The following TMEM135 variants were observed in gnomAD, a reference collection of about 807,000 sequenced individuals.
The protein encoded by TMEM135 is transmembrane protein 135.
A neutral mutation model predicts 60.3 loss-of-function variants in TMEM135; 30 were observed. That is an observed-to-expected ratio of 0.50 (90% CI 0.37 to 0.68). The LOEUF (loss-of-function observed/expected upper bound fraction) is 0.68, where lower values mean the gene tolerates loss of function less well. TMEM135 is among the 30% of genes least tolerant of loss of function. The probability of loss-of-function intolerance (pLI) is 0.00; values close to 1 mark genes in which losing one functional copy is unlikely to be tolerated. For synonymous variants in TMEM135, 190 were observed against 186.7 expected (o/e 1.02, Z -0.14); for missense variants, 468 against 548.8 (o/e 0.85, Z 1.47).
intron 6 of TMEM135, among the ~76,000 whole-genome samples, chr11:87,290,627 A>G (rs767380718): frequency 1.3e-5 from 2 of 152,168 alleles, no homozygotes; most frequent in South Asian, 2.1e-4. Flanking sequence ...GACCAAGAGT[A>G]TTATCCTGAT....
intron 5 of TMEM135, among the ~76,000 whole-genome samples, chr11:87,192,785 G>T (rs1195354571): frequency 6.6e-6 from 1 of 152,154 alleles, no homozygotes; most frequent in African/African-American, 2.4e-5. Context: ...GAATGTGATT[G>T]TATGTGTGGG....
intron 4 of TMEM135, among the ~76,000 whole-genome samples, chr11:87,122,688 T>C (rs548763131): frequency 2.0e-5 from 3 of 152,232 alleles, no homozygotes; most frequent in East Asian, 1.9e-4. Flanking sequence ...CTCAAACTTC[T>C]GACCTCAGGT....
chr11:87,324,908 T>G lies in TMEM135; in HGVS notation c.*3575T>G, dbSNP rs1201950046. On this transcript the variant is annotated 3_prime_UTR_variant, in exon 15 of 15. Transcript: ENST00000305494. ...AATACTTCACTCAGCTGAAAATGAGTGGCCAAGAAAAAAATACAAGAAAAG... is the reference window on the plus strand; with the variant it reads ...AATACTTCACTCAGCTGAAAATGAGGGGCCAAGAAAAAAATACAAGAAAAG... 2.2e-6 allele frequency: 1 copy of G among 453,836 alleles called. No individual in the cohort carries two copies. The highest frequency in any genetic ancestry group is 2.0e-5 in the African/African-American group (1 of 49,960). The allele number at this position is 453,836 out of a possible 1,614,324, so 28.1% of individuals were successfully genotyped here.
chr11:87,154,224 T>C (rs1299262750), intron 4 of TMEM135, among the ~76,000 whole-genome samples: 1 of 152,214 alleles, frequency 6.6e-6, no homozygotes, highest in Admixed American at 6.5e-5. Context: ...AAGTGAATCA[T>C]TCAGTATTTG....
chr11:87,310,278 G>A (rs1942619799), intron 10 of TMEM135, among the ~76,000 whole-genome samples: 1 of 152,084 alleles, frequency 6.6e-6, no homozygotes, highest in South Asian at 2.1e-4. Flanking sequence ...TATATGTAGA[G>A]ATCATTCTTA....
intron 6 of TMEM135, among the ~76,000 whole-genome samples, chr11:87,264,696 A>T (rs1384310026): frequency 6.6e-6 from 1 of 151,908 alleles, no homozygotes; most frequent in Non-Finnish European, 1.5e-5. Flanking sequence ...CACTGTATAT[A>T]GTCAGTTGTC....
chr11:87,234,452 A>G (rs947326709), intron 5 of TMEM135, among the ~76,000 whole-genome samples: 6 of 151,992 alleles, frequency 3.9e-5, no homozygotes, highest in Admixed American at 3.3e-4. Context: ...TATCCTTTTG[A>G]TTTATTCTCC....
In TMEM135 at chr11:87,313,597, C is replaced by A. The variant is rs143188917; in HGVS notation, c.1000+109C>A. On this transcript the variant is annotated intron_variant, in intron 11 of 14. Coordinates refer to ENST00000305494, the MANE Select transcript of TMEM135 (RefSeq NM_022918.4). ...TTTCTATGAATCTTCCTTTCTCTAT[C>A]GTAATAGAATTCCAGTTGAGGCACT... 6.1e-6 allele frequency: 6 copies of A among 984,230 alleles called. 1 individual carries two copies. The highest frequency in any genetic ancestry group is 6.3e-4 in the Middle Eastern group (2 of 3,164). 61.0% of individuals were successfully genotyped at this position (984,230 alleles called of 1,614,324 possible). A position where few individuals can be genotyped will look rare whatever the true frequency, so the allele number is the denominator to read the frequency against.
At chr11:87,273,118 C>G (rs548802476) in intron 6 of TMEM135, among the ~76,000 whole-genome samples, 4 of 152,100 alleles carry the variant, frequency 2.6e-5, no homozygotes, top group African/African-American at 9.7e-5. Context: ...CTTTGGACCT[C>G]TTTCTTCACT....
At chr11:87,262,850 A>G (rs1941677435) in intron 6 of TMEM135, among the ~76,000 whole-genome samples, 1 of 152,170 alleles carries the variant, frequency 6.6e-6, no homozygotes, top group African/African-American at 2.4e-5. Flanking sequence ...TATTGGATAC[A>G]TGTATACATT....
chr11:87,145,266 T>C (rs533335487), intron 4 of TMEM135, among the ~76,000 whole-genome samples: 112 of 152,356 alleles, frequency 7.4e-4, no homozygotes, highest in African/African-American at 2.6e-3. Context: ...ATTTCCTTCA[T>C]TTTAAAGGGT....
At position 87,158,754 on chromosome 11, in the gene TMEM135, G is replaced by A. The variant is rs762924943; in HGVS notation, c.462+1348G>A. Among the ~76,000 whole-genome samples the A allele has an allele frequency of 5.9e-5, 9 of 152,084 alleles. No homozygotes were observed. The East Asian group carries it at 7.7e-4, about 13-fold the overall frequency. On this transcript the variant is annotated intron_variant, in intron 5 of 14. Transcript: ENST00000305494. ...GCTGGGATTACAGGCGTGAGCCACCGCGCCCGGCCTAACCTTGGTATAATT... is the reference window on the plus strand; with the variant it reads ...GCTGGGATTACAGGCGTGAGCCACCACGCCCGGCCTAACCTTGGTATAATT...
chr11:87,183,828 C>A (rs1032558354), intron 5 of TMEM135, among the ~76,000 whole-genome samples: 1 of 151,662 alleles, frequency 6.6e-6, no homozygotes, highest in African/African-American at 2.4e-5. Flanking sequence ...TGGTGGCGGG[C>A]GCCTGTAATC....
At chr11:87,245,919 G>A (rs1217269342) in intron 6 of TMEM135, among the ~76,000 whole-genome samples, 8 of 81,942 alleles carry the variant, frequency 9.8e-5, no homozygotes, top group Admixed American at 2.1e-4. Context: ...TATTTTGCTC[G>A]TTAGTTGTTG....
chr11:87,143,353 T>C (rs1938318302), intron 4 of TMEM135, among the ~76,000 whole-genome samples: 1 of 149,368 alleles, frequency 6.7e-6, no homozygotes, highest in Non-Finnish European at 1.5e-5. Context: ...TGACTTCTTT[T>C]CTTTCTTTCT....
intron 1 of TMEM135, among the ~76,000 whole-genome samples, chr11:87,063,110 A>C (rs1174267302): frequency 6.6e-6 from 1 of 152,212 alleles, no homozygotes; most frequent in Non-Finnish European, 1.5e-5. Flanking sequence ...AATTAAAATA[A>C]TCTATTATCA....
intron 3 of TMEM135, among the ~76,000 whole-genome samples, chr11:87,081,116 T>C (rs571031324): frequency 2.0e-5 from 3 of 151,590 alleles, no homozygotes; most frequent in African/African-American, 7.3e-5. Context: ...GCAGATAATA[T>C]ACAGTGGGGT....
chr11:87,118,395 A>T (rs564018438), intron 4 of TMEM135, among the ~76,000 whole-genome samples: 1 of 152,050 alleles, frequency 6.6e-6, no homozygotes, highest in South Asian at 2.1e-4. Context: ...GTTGTTTAGT[A>T]TAGCCACCTT....
At chr11:87,167,168 C>G (rs1352796646) in intron 5 of TMEM135, among the ~76,000 whole-genome samples, 2 of 152,280 alleles carry the variant, frequency 1.3e-5, no homozygotes, top group East Asian at 3.9e-4. Flanking sequence ...TATCCTGAGA[C>G]TTTGCTAAGT....
Sources: allele counts gnomAD v4.1 joint callset (sites outside exome capture counted in the v4.1 genomes callset), GRCh38; gene constraint gnomAD v4.1.1; transcripts MANE v1.5; gene names NCBI Gene and HGNC (gene_info 2026-07-23, HGNC 2026-07-21).